The following ZMYND8 variants were observed in gnomAD, a reference collection of about 807,000 sequenced individuals.
ZMYND8 encodes the protein MYND-type zinc finger-containing chromatin reader ZMYND8.
A neutral mutation model predicts 140.8 loss-of-function variants in ZMYND8; 37 were observed. The observed-to-expected ratio is 0.26, with a 90% CI of 0.20 to 0.35. ZMYND8 has a LOEUF of 0.35. Ranked by LOEUF, ZMYND8 falls within the 10% of genes least tolerant of loss-of-function variation. The pLI is 1.00. For synonymous variants in ZMYND8, 592 were observed against 597.1 expected, an observed-to-expected ratio of 0.99 and a Z score of 0.12; for missense variants, 1,068 against 1,570.0, an observed-to-expected ratio of 0.68 and a Z score of 5.40.
chr20:47,346,082 C>G (rs1462015870), intron 2 of ZMYND8, among the ~76,000 whole-genome samples: 1 of 152,128 alleles, frequency 6.6e-6, no homozygotes, highest in African/African-American at 2.4e-5. Context: ...TCCAACACCC[C>G]ACTTCACAAA....
At chr20:47,221,698 G>A (rs926690) in intron 19 of ZMYND8, among the ~76,000 whole-genome samples, 20,950 of 152,120 alleles carry the variant, frequency 0.14, 1,613 homozygotes, top group Non-Finnish European at 0.17. Flanking sequence ...ATGGAGTCTC[G>A]CTCTGTCAGC....
At chr20:47,287,612 TTG>T (rs2077003942) in intron 7 of ZMYND8, among the ~76,000 whole-genome samples, 1 of 152,212 alleles carries the variant, frequency 6.6e-6, no homozygotes, top group Admixed American at 6.5e-5. Context: ...ATTCTACCCA[TTG>T]TCCCAGACGC....
At chr20:47,344,940 T>C (rs1420217709) in intron 2 of ZMYND8, among the ~76,000 whole-genome samples, 1 of 152,056 alleles carries the variant, frequency 6.6e-6, no homozygotes, top group African/African-American at 2.4e-5. Flanking sequence ...CACTGCGACC[T>C]CATCCCTACA....
chr20:47,298,720 G>A lies in ZMYND8; in HGVS notation c.453+9C>T. On this transcript the variant is annotated intron_variant, in intron 4 of 22. Transcript: ENST00000471951. This position sits in a 1 kb window ranked among gnomAD's most constrained non-coding sequence, Gnocchi z 5.0. ...AGGCAGGTAATGCATTCATTCATCAGGAACTAACCTCACATTCAGGACAAA... is the reference window on the plus strand; with the variant it reads ...AGGCAGGTAATGCATTCATTCATCAAGAACTAACCTCACATTCAGGACAAA... 2 of 1,610,496 alleles carry A rather than the reference G, an allele frequency of 1.2e-6. No individual in the cohort carries two copies. Among genetic ancestry groups the A allele is most frequent in the East Asian group, 2.2e-5 (1 of 44,750 alleles).
At chr20:47,330,670 CA>C (rs2080867200) in intron 2 of ZMYND8, among the ~76,000 whole-genome samples, 2 of 152,118 alleles carry the variant, frequency 1.3e-5, no homozygotes, top group South Asian at 4.1e-4. Context: ...AAAAGGAAGA[CA>C]GGCCACCAGT....
chr20:47,340,653 G>A (rs2081779164), intron 2 of ZMYND8, among the ~76,000 whole-genome samples: 1 of 152,072 alleles, frequency 6.6e-6, no homozygotes, highest in South Asian at 2.1e-4. Flanking sequence ...AATTAGCTGG[G>A]TGTGGCGGCG....
intron 11 of ZMYND8, among the ~76,000 whole-genome samples, chr20:47,268,173 G>T (rs1265159181): frequency 6.6e-6 from 1 of 152,046 alleles, no homozygotes; most frequent in Non-Finnish European, 1.5e-5. Flanking sequence ...AACAAACAAT[G>T]ACGAGGCCGG....
intron 2 of ZMYND8, among the ~76,000 whole-genome samples, chr20:47,322,631 G>A (rs973431724): frequency 2.6e-5 from 4 of 151,536 alleles, no homozygotes; most frequent in African/African-American, 4.9e-5. Flanking sequence ...GGATGGTCTC[G>A]ATCTCCTGAC....
chr20:47,349,436 G>A (rs1006308972), intron 1 of ZMYND8, among the ~76,000 whole-genome samples: 6 of 152,124 alleles, frequency 3.9e-5, no homozygotes, highest in African/African-American at 1.4e-4. Flanking sequence ...TAAACACATC[G>A]CTTATATGCA....
At chr20:47,215,620 T>C (rs865984703) in intron 21 of ZMYND8, among the ~76,000 whole-genome samples, 20 of 151,920 alleles carry the variant, frequency 1.3e-4, no homozygotes, top group African/African-American at 4.6e-4. Flanking sequence ...GTAACCCCCC[T>C]GACTCAGCCT....
At chr20:47,293,924 A>G (rs975672866) in intron 5 of ZMYND8, among the ~76,000 whole-genome samples, 7 of 152,028 alleles carry the variant, frequency 4.6e-5, no homozygotes, top group Non-Finnish European at 1.0e-4. Flanking sequence ...TTGTGGTTTA[A>G]AAGTGTTTGG....
intron 22 of ZMYND8, among the ~76,000 whole-genome samples, chr20:47,212,336 G>A (rs1250272052): frequency 6.6e-6 from 1 of 152,198 alleles, no homozygotes; most frequent in Non-Finnish European, 1.5e-5. Context: ...GAGGACACGG[G>A]ACACTGGCTG....
At chr20:47,267,243 G>A (rs574283081) in intron 11 of ZMYND8, among the ~76,000 whole-genome samples, 31 of 151,720 alleles carry the variant, frequency 2.0e-4, no homozygotes, top group Non-Finnish European at 4.3e-4. Context: ...AGGCTGTGGG[G>A]TGAGAGGTAG....
intron 12 of ZMYND8, 145 bp downstream of exon 12, chr20:47,262,143 T>C: frequency 8.7e-7 from 1 of 1,153,442 alleles, no homozygotes; most frequent in Non-Finnish European, 1.2e-6. Context: ...ACAGATCTTT[T>C]CTCACCTTCA....
chr20:47,225,808 AAAAAG>A (rs2037636218), intron 18 of ZMYND8, among the ~76,000 whole-genome samples: 1 of 151,938 alleles, frequency 6.6e-6, no homozygotes, highest in Admixed American at 6.6e-5. Flanking sequence ...GTCAACACAT[AAAAAG>A]AAAAGGATTT....
rs376495893 is a variant in ZMYND8 at position 47,238,988 on chromosome 20, G to C, written c.2435C>G (p.Pro812Arg). 1.5e-5 allele frequency: 24 copies of C among 1,609,648 alleles called. No individual in the cohort carries two copies. Among genetic ancestry groups the C allele is most frequent in the African/African-American group, 2.7e-5 (2 of 74,792 alleles). ...TTTCACTGGGCTTCCTGTGGCGGCG[G>C]GGGCCGGGGCCGTGACGGTGACCGT... ...SSTVTVTAPA[P>R]AATGSPVKKQ... Residue 812 changes from proline to arginine, a missense_variant, in exon 15 of 23, where the codon CCC becomes CGC. Physicochemically the swap from Pro to Arg is moderately radical, Grantham distance 103. Around this residue, in one of 10 missense-constraint regions of ZMYND8, gnomAD observed 383 missense variants for 431.2 expected, o/e 0.89. Transcript: ENST00000471951.
intron 12 of ZMYND8, among the ~76,000 whole-genome samples, chr20:47,256,957 C>A (rs1043128151): frequency 6.6e-6 from 1 of 152,116 alleles, no homozygotes; most frequent in Non-Finnish European, 1.5e-5. Context: ...AAAGTAAACA[C>A]CCTCTGTGAA....
At position 47,298,008 on chromosome 20, in the gene ZMYND8, T is replaced by C. The variant is rs1233917450; in HGVS notation, c.453+721A>G. Reference sequence around the variant, plus strand: ...CTGCATGGCTCACTCCTCTCTTTCATCAAGTCTTTCTCAAATTTTAGTGAG... The same window carrying C: ...CTGCATGGCTCACTCCTCTCTTTCACCAAGTCTTTCTCAAATTTTAGTGAG... On this transcript the variant is annotated intron_variant, in intron 4 of 22. Coordinates refer to ENST00000471951, the MANE Select transcript of ZMYND8 (RefSeq NM_001281775.3). The surrounding 1 kb of genome is among the most constrained non-coding windows in gnomAD (Gnocchi z 5.0). Among the ~76,000 whole-genome samples the C allele has an allele frequency of 2.6e-5, 4 of 152,186 alleles. No individual in the cohort carries two copies. Among genetic ancestry groups the C allele is most frequent in the Non-Finnish European group, 5.9e-5 (4 of 68,034 alleles).
intron 1 of ZMYND8, chr20:47,350,092 G>A: frequency 7.4e-7 from 1 of 1,343,656 alleles, no homozygotes; most frequent in Non-Finnish European, 9.6e-7. Flanking sequence ...AAAAAGTTAA[G>A]CTGTTTTATC....
Sources: allele counts gnomAD v4.1 joint callset (sites outside exome capture counted in the v4.1 genomes callset), GRCh38; gene constraint gnomAD v4.1.1; regional missense constraint gnomAD v4.1.1; non-coding constraint Gnocchi (gnomAD v3.1); transcripts MANE v1.5; gene names NCBI Gene and HGNC (gene_info 2026-07-23, HGNC 2026-07-21).